PADI6: variants seen among roughly 807,000 people sequenced by gnomAD.
PADI6 encodes peptidyl arginine deiminase 6, also known as inactive protein-arginine deiminase type-6.
In PADI6, 66 loss-of-function variants were observed where a neutral mutation model predicts 78.2. The ratio of observed to expected loss-of-function variants is 0.84; its 90% CI spans 0.69 to 1.04. PADI6 has a LOEUF of 1.04. Ranked by LOEUF, PADI6 falls within the 50% of genes least tolerant of loss-of-function variation. The pLI, the probability that PADI6 is intolerant of heterozygous loss-of-function variation, is 0.00. For missense variants in PADI6, 854 were observed against 866.1 expected, an observed-to-expected ratio of 0.99 and a Z score of 0.18; for synonymous variants, 397 against 346.9, an observed-to-expected ratio of 1.14 and a Z score of -1.60.
At chr1:17,396,618 A>T (rs944972741) in intron 13 of PADI6, among the ~76,000 whole-genome samples, 1 of 151,894 alleles carries the variant, frequency 6.6e-6, no homozygotes, top group Non-Finnish European at 1.5e-5. Context: ...CATGAACCAC[A>T]TGACAAAGAC....
intron 6 of PADI6, among the ~76,000 whole-genome samples, chr1:17,388,036 T>C (rs1395572692): frequency 6.6e-6 from 1 of 152,198 alleles, no homozygotes; most frequent in East Asian, 1.9e-4. Flanking sequence ...ACTCTGATAT[T>C]ATCGCAGGAG....
intron 13 of PADI6, 112 bp from the exon 14 acceptor site, chr1:17,396,959 G>T: frequency 2.1e-6 from 2 of 963,426 alleles, no homozygotes; most frequent in Non-Finnish European, 3.2e-6. Context: ...TCTCGCCATG[G>T]TCACTGGCCC....
At position 17,372,987 on chromosome 1, in the gene PADI6, C is replaced by G. The variant is rs1196457582; in HGVS notation, c.117-69C>G. On this transcript the variant is annotated intron_variant, in intron 1 of 15. Transcript: ENST00000619609. ...AGGATTCGGGAGCCGTCCCCTCCCC[C>G]ATGCCAGTCATCTCCTAGGCTGAGA... 7 of 1,503,602 alleles carry G rather than the reference C, an allele frequency of 4.7e-6. No individual in the cohort carries two copies. In the African/African-American group the frequency reaches 5.6e-5, roughly 12 times the overall value. 93.1% of individuals were successfully genotyped at this position (1,503,602 alleles called of 1,614,324 possible).
chr1:17,394,907 G>C, intron 11 of PADI6, 44 bp from the exon 12 acceptor site: 1 of 1,530,192 alleles, frequency 6.5e-7, no homozygotes, highest in Non-Finnish European at 8.8e-7. Context: ...GACCAGCCCT[G>C]GGCCACACTG....
intron 6 of PADI6, among the ~76,000 whole-genome samples, chr1:17,387,465 G>C (rs1373262017): frequency 2.0e-5 from 3 of 151,284 alleles, no homozygotes; most frequent in Non-Finnish European, 3.0e-5. Flanking sequence ...AGGAGGGGGG[G>C]GGGCCAGGCG....
At chr1:17,381,285 A>G (rs748302744) in intron 5 of PADI6, 121 bp downstream of exon 5, 96 of 767,868 alleles carry the variant, frequency 1.3e-4, no homozygotes, top group Non-Finnish European at 2.0e-4. Flanking sequence ...CCCAGTCCCC[A>G]TGCCTGGGCT....
rs552145591 is a variant in PADI6 at position 17,400,040 on chromosome 1, CAAACA to C, written c.1852-1151_1852-1147del. On this transcript the variant is annotated intron_variant, in intron 15 of 15. Transcript: ENST00000619609. Reference sequence around the variant, plus strand: ...ACAGCAAGACTGTCTCCCAAAAAAACAAACAAAACAAAACAAAAAATGCTGGGTGT... The same window carrying C: ...ACAGCAAGACTGTCTCCCAAAAAAACAAACAAAACAAAAAATGCTGGGTGT... Among the ~76,000 whole-genome samples the C allele has an allele frequency of 2.0e-3, 282 of 143,736 alleles. 1 individual carries two copies. Among genetic ancestry groups the C allele is most frequent in the African/African-American group, 6.2e-3 (214 of 34,488 alleles). The allele number at this position is 143,736 out of a possible 152,430, so 94.3% of individuals were successfully genotyped here.
intron 8 of PADI6, among the ~76,000 whole-genome samples, chr1:17,390,640 C>T (rs530383728): frequency 3.3e-5 from 5 of 151,586 alleles, no homozygotes; most frequent in South Asian, 2.1e-4. Flanking sequence ...TTCCAGGCTC[C>T]GTGGGTGTAG....
rs181665845 is a variant in PADI6 at position 17,395,484 on chromosome 1, T to A, written c.1495-56T>A. 7.2e-6 allele frequency: 11 copies of A among 1,535,174 alleles called. No individual in the cohort carries two copies. In the African/African-American group the frequency reaches 1.2e-4, roughly 17 times the overall value. ...CTCCAAAGTGCTGGGATTACAGATA[T>A]GAGCCACCATGTCCAGCTGAGAAAG... is the stretch of plus-strand genomic sequence containing the variant. On this transcript the variant is annotated intron_variant, in intron 12 of 15. Coordinates refer to ENST00000619609, the MANE Select transcript of PADI6 (RefSeq NM_207421.4).
In PADI6 at chr1:17,380,931, T is replaced by C. The variant is rs1018597369; in HGVS notation, c.436-116T>C. 4 of 790,344 alleles carry C rather than the reference T, an allele frequency of 5.1e-6. No homozygotes were observed. In the African/African-American group the frequency reaches 7.0e-5, roughly 14 times the overall value. 49.0% of individuals were successfully genotyped at this position (790,344 alleles called of 1,614,324 possible). ...TCTTGACCTCACCAGTCCTGTTCCATGGGTCCCTGTACCCTGGAGAAAGGC... is the reference window on the plus strand; with the variant it reads ...TCTTGACCTCACCAGTCCTGTTCCACGGGTCCCTGTACCCTGGAGAAAGGC... On this transcript the variant is annotated intron_variant, in intron 4 of 15. Transcript: ENST00000619609.
chr1:17,388,786 G>A lies in PADI6; in HGVS notation c.868G>A (p.Glu290Lys). 6.2e-7 allele frequency: 1 copy of A among 1,613,418 alleles called. No homozygotes were observed. Among genetic ancestry groups the A allele is most frequent in the Non-Finnish European group, 8.5e-7 (1 of 1,179,682 alleles). The part of the protein sequence containing the change: ...VEESQDPSIP[E>K]TVLYKDTVVF... ...CCTTGTCTTGTTGCAGTCAATTCCA[G>A]AGACTGTGCTGTACAAAGACACGGT... The change falls in exon 8 of 16, where the codon GAG (glutamate) becomes AAG (lysine). Residue 290 changes from glutamate (E) to lysine (K), a missense_variant. Glu to Lys is a moderately conservative substitution (Grantham distance 56, BLOSUM62 1). Transcript: ENST00000619609.
chr1:17,375,755 C>T (rs941063625), intron 3 of PADI6, among the ~76,000 whole-genome samples: 4 of 152,198 alleles, frequency 2.6e-5, no homozygotes, highest in Non-Finnish European at 5.9e-5. Flanking sequence ...CCAGAACTTC[C>T]GTGTCGCTGC....
At chr1:17,393,934 A>AT (rs1376426889) in intron 9 of PADI6, 41 bp from the exon 10 acceptor site, 2 of 1,562,136 alleles carry the variant, frequency 1.3e-6, no homozygotes, top group Non-Finnish European at 1.8e-6. Flanking sequence ...GTCCGGGGAG[A>AT]TGTGTGACTG....
Position 17,394,002 on chromosome 1 carries a change from G to C in PADI6, c.1102G>C (p.Ala368Pro). The change falls in exon 10 of 16, where the codon GCT becomes CCT. Residue 368 changes from alanine (A) to proline (P), a missense_variant. Coordinates refer to ENST00000619609, the MANE Select transcript of PADI6 (RefSeq NM_207421.4). Reference protein sequence around the residue: ...QDEMAFCYTQAPHKTTSLILD... With the variant: ...QDEMAFCYTQPPHKTTSLILD... ...TGAGATGGCCTTCTGCTACACCCAG[G>C]CTCCCCACAAGACAACGTCCTTGAT... The C allele has an allele frequency of 6.2e-7, 1 of 1,613,870 alleles. No homozygotes were observed. The highest frequency in any genetic ancestry group is 8.5e-7 in the Non-Finnish European group (1 of 1,179,864).
intron 4 of PADI6, 64 bp from the exon 5 acceptor site, chr1:17,380,983 G>A (rs1374236672): frequency 8.1e-6 from 11 of 1,363,466 alleles, no homozygotes; most frequent in South Asian, 1.3e-5. Context: ...GCTATGAGGT[G>A]CATCCGAGAA....
At chr1:17,380,978 G>A in intron 4 of PADI6, 69 bp from the exon 5 acceptor site, 1 of 1,327,636 alleles carries the variant, frequency 7.5e-7, no homozygotes, top group Non-Finnish European at 1.0e-6. Flanking sequence ...CCTCTGCTAT[G>A]AGGTGCATCC....
intron 8 of PADI6, among the ~76,000 whole-genome samples, chr1:17,390,010 G>A (rs532162241): frequency 6.6e-6 from 1 of 152,210 alleles, no homozygotes; most frequent in East Asian, 1.9e-4. Context: ...ACACTAATAG[G>A]AAAAGGTGGC....
intron 15 of PADI6, among the ~76,000 whole-genome samples, chr1:17,399,067 ATGGGCCAGGCCC>A (rs1200352917): frequency 1.3e-5 from 2 of 152,018 alleles, no homozygotes; most frequent in African/African-American, 2.4e-5. Flanking sequence ...GGCAGTTACT[ATGGGCCAGGCCC>A]TGGGCCAGGT....
chr1:17,382,006 G>A lies in PADI6; in HGVS notation c.593G>A (p.Gly198Asp). 1 of 1,613,896 alleles carries A rather than the reference G, an allele frequency of 6.2e-7. No individual in the cohort carries two copies. Among genetic ancestry groups the A allele is most frequent in the Non-Finnish European group, 8.5e-7 (1 of 1,179,846 alleles). ...TCCCAGATGACTCTGAATGTCCAAG[G>A]CCCCAGCTGTATCTTAAAGAAATAT... ...NLSQMTLNVQGPSCILKKYRL... is the reference protein window; with the variant it reads ...NLSQMTLNVQDPSCILKKYRL... The change falls in exon 6 of 16, where the codon GGC becomes GAC. Residue 198 changes from glycine (G) to aspartate (D), a missense_variant. Gly to Asp is a moderately conservative substitution (Grantham distance 94). Transcript: ENST00000619609.
Sources: gnomAD v4.1 joint callset for allele counts (sites outside exome capture counted in the v4.1 genomes callset) on GRCh38, gnomAD v4.1.1 for gene constraint, MANE v1.5 for transcripts, NCBI Gene and HGNC (gene_info 2026-07-23, HGNC 2026-07-21) for gene names.